Variants in MSRA observed in about 807,000 individuals in gnomAD.
The protein encoded by MSRA is methionine sulfoxide reductase A.
In MSRA, 54 loss-of-function variants were observed where a neutral mutation model predicts 31.3. That is an observed-to-expected ratio of 1.73 (90% CI 1.39 to 2.17). MSRA has a LOEUF of 2.17. Ranked by LOEUF, MSRA falls within the 30% of genes most tolerant of loss-of-function variation. MSRA has a pLI of 0.00. For missense variants in MSRA, 507 were observed against 300.9 expected, an observed-to-expected ratio of 1.69 and a Z score of -5.07; for synonymous variants, 169 against 116.5, an observed-to-expected ratio of 1.45 and a Z score of -2.90.
At chr8:10,418,189 G>A (rs1808597151) in intron 5 of MSRA, among the ~76,000 whole-genome samples, 1 of 152,150 alleles carries the variant, frequency 6.6e-6, no homozygotes, top group African/African-American at 2.4e-5. Flanking sequence ...AACACTTAAG[G>A]CTAAATTCCT....
At chr8:10,227,382 G>C (rs1403073093) in intron 2 of MSRA, among the ~76,000 whole-genome samples, 1 of 152,158 alleles carries the variant, frequency 6.6e-6, no homozygotes, top group Non-Finnish European at 1.5e-5. Context: ...CTGTGAAGGG[G>C]AATGGGCTAC....
intron 1 of MSRA, among the ~76,000 whole-genome samples, chr8:10,195,740 C>T (rs925654303): frequency 6.6e-6 from 1 of 152,324 alleles, no homozygotes; most frequent in African/African-American, 2.4e-5. Flanking sequence ...TTAGCTATCT[C>T]CTTCATCTCT....
intron 3 of MSRA, among the ~76,000 whole-genome samples, chr8:10,261,227 A>G (rs919126048): frequency 2.0e-5 from 3 of 152,122 alleles, no homozygotes; most frequent in South Asian, 2.1e-4. Context: ...TATTTACTCA[A>G]TATTTTAATA....
At chr8:10,263,864 GATACA>G (rs1202572522) in intron 3 of MSRA, among the ~76,000 whole-genome samples, 1 of 152,174 alleles carries the variant, frequency 6.6e-6, no homozygotes, top group Non-Finnish European at 1.5e-5. Context: ...ATCAAATATA[GATACA>G]GAACACATTA....
chr8:10,423,118 G>A (rs1336481132), intron 5 of MSRA, among the ~76,000 whole-genome samples: 8 of 152,180 alleles, frequency 5.3e-5, no homozygotes, highest in African/African-American at 1.4e-4. Context: ...ATGGTCAGCC[G>A]TTTTTATGGG....
chr8:10,276,410 T>C lies in MSRA; in HGVS notation c.332-25124T>C, dbSNP rs74777813. On this transcript the variant is annotated intron_variant, in intron 3 of 5. Coordinates refer to ENST00000317173, the MANE Select transcript of MSRA (RefSeq NM_012331.5). ...AGTTTTGGTTGCATCCTGAAAACTG[T>C]CAGGCTTTCTTGTTTCTGTAAGGAC... Among the ~76,000 whole-genome samples, 560 of 152,350 alleles carry C rather than the reference T, an allele frequency of 3.7e-3. 3 individuals carry two copies. The highest frequency in any genetic ancestry group is 0.013 in the African/African-American group (543 of 41,590).
chr8:10,420,776 A>C (rs1232608995), intron 5 of MSRA, among the ~76,000 whole-genome samples: 1 of 152,186 alleles, frequency 6.6e-6, no homozygotes. Flanking sequence ...GAAAGATGAA[A>C]AAGTTCTAGA....
intron 1 of MSRA, among the ~76,000 whole-genome samples, chr8:10,206,244 A>G (rs528978006): frequency 6.6e-6 from 1 of 152,252 alleles, no homozygotes; most frequent in East Asian, 1.9e-4. Context: ...CAGTGGTCCT[A>G]ACCAGATCAG....
intron 5 of MSRA, among the ~76,000 whole-genome samples, chr8:10,385,264 A>G (rs2129176479): frequency 6.6e-6 from 1 of 152,268 alleles, no homozygotes; most frequent in East Asian, 1.9e-4. Context: ...CAGATGGGGA[A>G]CTCAATTCGA....
At chr8:10,321,073 C>G (rs570801545) in intron 5 of MSRA, among the ~76,000 whole-genome samples, 5 of 152,262 alleles carry the variant, frequency 3.3e-5, no homozygotes, top group Non-Finnish European at 7.4e-5. Context: ...AAAAGTAGTT[C>G]TCGGAAATAT....
chr8:10,097,310 T>G (rs990017449), intron 1 of MSRA, among the ~76,000 whole-genome samples: 1 of 152,202 alleles, frequency 6.6e-6, no homozygotes. Flanking sequence ...GTTGCCAAAA[T>G]GACAACCTTT....
Position 10,231,763 on chromosome 8 carries a change from C to T in MSRA, c.212-13341C>T, listed in dbSNP as rs569899587. ...ACTCAGAATACAAAAATTAGCCGGG[C>T]GTGGTGGCGGGCGCCTATAGTCCCA... On this transcript the variant is annotated intron_variant, in intron 2 of 5. Coordinates refer to ENST00000317173, the MANE Select transcript of MSRA (RefSeq NM_012331.5). 9.9e-5 allele frequency among the ~76,000 whole-genome samples: 15 copies of T among 151,978 alleles called. No homozygotes were observed. The South Asian group carries it at 1.3e-3, about 13-fold the overall frequency.
intron 2 of MSRA, among the ~76,000 whole-genome samples, chr8:10,208,431 A>G (rs950499645): frequency 6.6e-6 from 1 of 152,226 alleles, no homozygotes; most frequent in Admixed American, 6.5e-5. Context: ...GGTTGAGCAG[A>G]ACTTCTCTGT....
At chr8:10,148,798 TCG>T (rs1173019617) in intron 1 of MSRA, among the ~76,000 whole-genome samples, 8 of 100,812 alleles carry the variant, frequency 7.9e-5, no homozygotes, top group South Asian at 4.2e-4. Context: ...TGAGACCCTG[TCG>T]CAAAAAAAAA....
chr8:10,404,198 C>T (rs1807648564), intron 5 of MSRA, among the ~76,000 whole-genome samples: 1 of 152,140 alleles, frequency 6.6e-6, no homozygotes, highest in Non-Finnish European at 1.5e-5. Context: ...CCCCACAATG[C>T]CGGGAAAGTG....
chr8:10,413,255 G>GGTAGGA (rs1053122803), intron 5 of MSRA, among the ~76,000 whole-genome samples: 3 of 152,192 alleles, frequency 2.0e-5, no homozygotes, highest in African/African-American at 7.2e-5. Context: ...CCTCAGCAAA[G>GGTAGGA]GTAGGAGTCT....
At chr8:10,336,605 C>T (rs1803061346) in intron 5 of MSRA, among the ~76,000 whole-genome samples, 2 of 152,154 alleles carry the variant, frequency 1.3e-5, no homozygotes. Flanking sequence ...TGAAATTAGG[C>T]TCTTGTTTAC....
intron 5 of MSRA, among the ~76,000 whole-genome samples, chr8:10,379,983 A>G (rs1240079000): frequency 6.6e-6 from 1 of 152,252 alleles, no homozygotes; most frequent in Non-Finnish European, 1.5e-5. Context: ...GGGTGGGCCT[A>G]CAATGAGCTA....
chr8:10,271,051 T>C (rs964400597), intron 3 of MSRA, among the ~76,000 whole-genome samples: 11 of 146,932 alleles, frequency 7.5e-5, no homozygotes, highest in Admixed American at 3.6e-4. Context: ...AAGCTCATGT[T>C]TGAGTTCTTT....
Sources: gnomAD v4.1 joint callset for allele counts (sites outside exome capture counted in the v4.1 genomes callset) on GRCh38, gnomAD v4.1.1 for gene constraint, MANE v1.5 for transcripts, NCBI Gene and HGNC (gene_info 2026-07-23, HGNC 2026-07-21) for gene names.